Variants in ARB2A observed in about 807,000 individuals in gnomAD.
The protein encoded by ARB2A is cotranscriptional regulator ARB2A.
At chr5:94,066,854 C>T in the ARB2A span, among the ~76,000 whole-genome samples, 1 of 152,124 alleles carries the variant, frequency 6.6e-6, no homozygotes, top group Admixed American at 6.5e-5. Context: ...GCTAGAATTA[C>T]CTTGATATCA....
At chr5:93,907,640 T>C in the ARB2A span, among the ~76,000 whole-genome samples, 1 of 151,480 alleles carries the variant, frequency 6.6e-6, no homozygotes, top group Non-Finnish European at 1.5e-5. Flanking sequence ...CAGAATATTA[T>C]ATATAGTTTG....
chr5:93,624,106 A>G, the ARB2A span, among the ~76,000 whole-genome samples: 13 of 152,150 alleles, frequency 8.5e-5, no homozygotes, highest in Non-Finnish European at 1.8e-4. Flanking sequence ...ACTTTAGGGG[A>G]CATTAAGTGG....
chr5:93,922,926 A>G, the ARB2A span, among the ~76,000 whole-genome samples: 1 of 152,172 alleles, frequency 6.6e-6, no homozygotes, highest in African/African-American at 2.4e-5. Context: ...TACCGTATAG[A>G]AACATTTTTA....
chr5:94,050,720 A>G, the ARB2A span: 16 of 1,577,778 alleles, frequency 1.0e-5, no homozygotes, highest in Admixed American at 3.1e-4. Flanking sequence ...AAAGTAGTAT[A>G]TGTGACATAC....
At chr5:94,061,977 A>C in the ARB2A span, among the ~76,000 whole-genome samples, 1 of 152,092 alleles carries the variant, frequency 6.6e-6, no homozygotes, top group African/African-American at 2.4e-5. Flanking sequence ...TAGAATAGCT[A>C]AACAATTTTC....
chr5:93,708,796 T>C, the ARB2A span, among the ~76,000 whole-genome samples: 1 of 152,110 alleles, frequency 6.6e-6, no homozygotes, highest in Non-Finnish European at 1.5e-5. Context: ...ACCACACATA[T>C]TTATACATTT....
the ARB2A span, among the ~76,000 whole-genome samples, chr5:93,823,745 A>G: frequency 2.0e-5 from 3 of 152,144 alleles, no homozygotes; most frequent in Non-Finnish European, 4.4e-5. Context: ...TGACGAGGTC[A>G]GGAGATTGAG....
the ARB2A span, among the ~76,000 whole-genome samples, chr5:94,016,622 C>T: frequency 2.6e-5 from 4 of 152,206 alleles, no homozygotes. Flanking sequence ...CTTTATAATA[C>T]CCAAAATGTT....
the ARB2A span, among the ~76,000 whole-genome samples, chr5:93,897,483 T>C: frequency 8.6e-5 from 13 of 151,938 alleles, no homozygotes; most frequent in East Asian, 7.7e-4. Context: ...AAAAGAATAA[T>C]TGATGCTCCC....
At chr5:94,088,856 C>A in the ARB2A span, among the ~76,000 whole-genome samples, 1 of 151,994 alleles carries the variant, frequency 6.6e-6, no homozygotes, top group African/African-American at 2.4e-5. Context: ...AAGCACCTTG[C>A]AAACGAAAAA....
At chr5:93,833,882 A>G in the ARB2A span, among the ~76,000 whole-genome samples, 3 of 152,216 alleles carry the variant, frequency 2.0e-5, no homozygotes, top group Admixed American at 2.0e-4. Context: ...CAAGTTTGAT[A>G]CATGAGTATA....
the ARB2A span, among the ~76,000 whole-genome samples, chr5:93,694,191 A>G: frequency 6.6e-6 from 1 of 152,158 alleles, no homozygotes; most frequent in African/African-American, 2.4e-5. Context: ...CTGGCCAGGG[A>G]GATCAGGCAA....
chr5:93,827,326 C>A, the ARB2A span, among the ~76,000 whole-genome samples: 1 of 152,092 alleles, frequency 6.6e-6, no homozygotes, highest in Non-Finnish European at 1.5e-5. Context: ...AGGTTTTGAT[C>A]TGCGTTTCTC....
the ARB2A span, among the ~76,000 whole-genome samples, chr5:93,844,012 C>T: frequency 6.8e-6 from 1 of 146,358 alleles, no homozygotes; most frequent in Non-Finnish European, 1.5e-5. Context: ...AACCCAGGAA[C>T]AAAGAGAAGA....
At chr5:93,854,188 G>A in the ARB2A span, among the ~76,000 whole-genome samples, 13 of 152,306 alleles carry the variant, frequency 8.5e-5, no homozygotes, top group East Asian at 2.5e-3. Context: ...AGTCTTGGGA[G>A]GGTGTATGTG....
At chr5:93,999,541 C>A in the ARB2A span, among the ~76,000 whole-genome samples, 1 of 151,874 alleles carries the variant, frequency 6.6e-6, no homozygotes, top group Non-Finnish European at 1.5e-5. Flanking sequence ...AGGTTCACAG[C>A]AAAATCGAGA....
At chr5:93,680,876 T>A in the ARB2A span, among the ~76,000 whole-genome samples, 1,157 of 152,312 alleles carry the variant, frequency 7.6e-3, 14 homozygotes, top group African/African-American at 0.027. Flanking sequence ...AGTTTTATCT[T>A]TCCCTTTCTT....
chr5:93,675,400 T>C, the ARB2A span, among the ~76,000 whole-genome samples: 3 of 152,214 alleles, frequency 2.0e-5, no homozygotes, highest in Non-Finnish European at 2.9e-5. Context: ...GAATTGGCTT[T>C]ATGTATCTAC....
chr5:93,653,751 T>C, the ARB2A span, among the ~76,000 whole-genome samples: 2 of 152,118 alleles, frequency 1.3e-5, no homozygotes, highest in Non-Finnish European at 2.9e-5. Context: ...TCTGGTTATC[T>C]TCATATATAT....
Sources: allele counts gnomAD v4.1 joint callset (sites outside exome capture counted in the v4.1 genomes callset), GRCh38; gene constraint gnomAD v4.1.1; transcripts MANE v1.5; gene names NCBI Gene and HGNC (gene_info 2026-07-23, HGNC 2026-07-21).